The following ANKS1B variants were observed in gnomAD, a reference collection of about 807,000 sequenced individuals.
ANKS1B encodes ankyrin repeat and sterile alpha motif domain containing 1B.
A neutral mutation model predicts 148.3 loss-of-function variants in ANKS1B; 36 were observed. That is an observed-to-expected ratio of 0.24 (90% CI 0.19 to 0.32). The LOEUF (loss-of-function observed/expected upper bound fraction) is 0.32, where lower values mean the gene tolerates loss of function less well. Ranked by LOEUF, ANKS1B falls within the 10% of genes least tolerant of loss-of-function variation. The probability of loss-of-function intolerance (pLI) is 1.00; values close to 1 mark genes in which losing one functional copy is unlikely to be tolerated. For synonymous variants in ANKS1B, 542 were observed against 560.8 expected, an observed-to-expected ratio of 0.97 and a Z score of 0.47; for missense variants, 1,157 against 1,542.6, an observed-to-expected ratio of 0.75 and a Z score of 4.19.
At chr12:99,903,053 C>A (rs2093656553) in intron 1 of ANKS1B, among the ~76,000 whole-genome samples, 1 of 152,056 alleles carries the variant, frequency 6.6e-6, no homozygotes, top group South Asian at 2.1e-4. Flanking sequence ...GCCACCATGC[C>A]CAGCCCTGTG....
At chr12:98,888,390 TTC>T (rs1334995248) in intron 17 of ANKS1B, among the ~76,000 whole-genome samples, 1 of 152,250 alleles carries the variant, frequency 6.6e-6, no homozygotes, top group Non-Finnish European at 1.5e-5. Context: ...TCTCATAGTC[TTC>T]TGTGTGGTCC....
intron 17 of ANKS1B, among the ~76,000 whole-genome samples, chr12:98,834,296 A>T (rs1051242403): frequency 7.2e-5 from 11 of 152,192 alleles, no homozygotes; most frequent in African/African-American, 2.7e-4. Flanking sequence ...TGCTGAAAAA[A>T]TGGCTCACAA....
intron 1 of ANKS1B, among the ~76,000 whole-genome samples, chr12:99,897,561 T>C (rs1238561259): frequency 6.6e-6 from 1 of 151,276 alleles, no homozygotes; most frequent in African/African-American, 2.4e-5. Context: ...ATATCATTTC[T>C]ATTTTTCCAT....
intron 9 of ANKS1B, among the ~76,000 whole-genome samples, chr12:99,639,646 C>T (rs1003340989): frequency 3.9e-5 from 6 of 152,078 alleles, no homozygotes; most frequent in African/African-American, 7.2e-5. Context: ...TGAGTTCTCA[C>T]GAGATCTGAT....
intron 17 of ANKS1B, chr12:98,895,301 G>A (rs1009906221): frequency 2.0e-6 from 2 of 985,232 alleles, no homozygotes; most frequent in Non-Finnish European, 2.4e-6. Context: ...TGGATATCTC[G>A]CTCCTCCGCC....
intron 14 of ANKS1B, among the ~76,000 whole-genome samples, chr12:99,186,093 GT>G (rs1283717168): frequency 6.6e-6 from 1 of 152,128 alleles, no homozygotes; most frequent in Non-Finnish European, 1.5e-5. Context: ...TGAATAGGCG[GT>G]TTTCCCCTCA....
intron 9 of ANKS1B, among the ~76,000 whole-genome samples, chr12:99,516,924 T>A (rs1441190194): frequency 6.6e-6 from 1 of 152,164 alleles, no homozygotes; most frequent in East Asian, 1.9e-4. Flanking sequence ...AGCTCTGTAG[T>A]ATAATTTGAA....
At chr12:98,897,208 G>T (rs577430396) in intron 17 of ANKS1B, among the ~76,000 whole-genome samples, 1 of 152,016 alleles carries the variant, frequency 6.6e-6, no homozygotes, top group Admixed American at 6.6e-5. Context: ...CAGCAAAATC[G>T]GTTCATACTC....
chr12:98,866,684 T>C (rs969584038), intron 17 of ANKS1B, among the ~76,000 whole-genome samples: 1 of 152,224 alleles, frequency 6.6e-6, no homozygotes, highest in Admixed American at 6.5e-5. Context: ...TTGCTACCCA[T>C]TGCAACCCTC....
At chr12:99,006,231 G>A (rs1048238622) in intron 17 of ANKS1B, among the ~76,000 whole-genome samples, 1 of 152,162 alleles carries the variant, frequency 6.6e-6, no homozygotes, top group Non-Finnish European at 1.5e-5. Context: ...AGGCTATGCC[G>A]AGTGAAGACT....
chr12:99,275,093 T>C (rs2077511858), intron 12 of ANKS1B, among the ~76,000 whole-genome samples: 1 of 152,220 alleles, frequency 6.6e-6, no homozygotes. Context: ...TATGTATTAA[T>C]GGAGTAAATG....
In ANKS1B at chr12:99,779,932, G is replaced by C; in HGVS notation, c.786C>G (p.Val262=). Reference sequence around the variant, plus strand: ...ATGGATGTTCTTTCAGAATGTCCAAGACAGTTCTACCTAAGCTATCCTTTA... The same window carrying C: ...ATGGATGTTCTTTCAGAATGTCCAACACAGTTCTACCTAAGCTATCCTTTA... ...ANIKDSLGRT[V]LDILKEHPSQ... Residue 262 remains valine (V), a synonymous_variant, in exon 6 of 27, where the codon GTC becomes GTG. Transcript: ENST00000683438. 1 of 1,611,372 alleles carries C rather than the reference G, an allele frequency of 6.2e-7. No individual in the cohort carries two copies. The highest frequency in any genetic ancestry group is 8.5e-7 in the Non-Finnish European group (1 of 1,179,340).
chr12:99,733,412 C>A (rs1420279394), intron 8 of ANKS1B, among the ~76,000 whole-genome samples: 1 of 152,142 alleles, frequency 6.6e-6, no homozygotes, highest in Admixed American at 6.5e-5. Context: ...TAAAAGCTTG[C>A]CATGATACGA....
intron 10 of ANKS1B, among the ~76,000 whole-genome samples, chr12:99,487,650 A>C (rs1246737641): frequency 1.3e-5 from 2 of 151,972 alleles, no homozygotes; most frequent in Admixed American, 6.6e-5. Flanking sequence ...AATGTGATTT[A>C]TATTTTTTAT....
chr12:98,968,067 C>A (rs966312703), intron 17 of ANKS1B, among the ~76,000 whole-genome samples: 7 of 152,042 alleles, frequency 4.6e-5, no homozygotes, highest in African/African-American at 1.7e-4. Flanking sequence ...CCAGTAGAAG[C>A]CGCATTCTGA....
intron 1 of ANKS1B, among the ~76,000 whole-genome samples, chr12:99,930,432 T>C (rs1453128521): frequency 6.6e-6 from 1 of 152,234 alleles, no homozygotes; most frequent in Non-Finnish European, 1.5e-5. Flanking sequence ...TATACAATCA[T>C]GTCATCTGCA....
chr12:99,959,834 G>A lies in ANKS1B; in HGVS notation c.134+24270C>T, dbSNP rs181747028. On this transcript the variant is annotated intron_variant, in intron 1 of 26. Coordinates refer to ENST00000683438, the MANE Select transcript of ANKS1B (RefSeq NM_001352186.2). Reference sequence around the variant, plus strand: ...ATATACCTCACCCAGAGAATCTAGTGAAGAGCTTATTATAAAGGACTAAAA... The same window carrying A: ...ATATACCTCACCCAGAGAATCTAGTAAAGAGCTTATTATAAAGGACTAAAA... 2.8e-4 allele frequency among the ~76,000 whole-genome samples: 43 copies of A among 152,298 alleles called. No individual in the cohort carries two copies. The East Asian group carries it at 7.7e-3, about 27-fold the overall frequency.
intron 15 of ANKS1B, among the ~76,000 whole-genome samples, chr12:99,100,683 T>C (rs1179072198): frequency 6.6e-6 from 1 of 152,150 alleles, no homozygotes; most frequent in Non-Finnish European, 1.5e-5. Flanking sequence ...GCACATGCCA[T>C]CACGCCCAGC....
chr12:99,235,801 G>T (rs2087792616), intron 14 of ANKS1B, among the ~76,000 whole-genome samples: 1 of 151,952 alleles, frequency 6.6e-6, no homozygotes, highest in African/African-American at 2.4e-5. Context: ...ATTAACATGG[G>T]GCCCAGCCGA....
Sources: allele counts gnomAD v4.1 joint callset (sites outside exome capture counted in the v4.1 genomes callset), GRCh38; gene constraint gnomAD v4.1.1; transcripts MANE v1.5; gene names NCBI Gene and HGNC (gene_info 2026-07-23, HGNC 2026-07-21).